Variants in CENPP observed in about 807,000 individuals in gnomAD.
The protein encoded by CENPP is centromere protein P.
CENPP carries 24 observed loss-of-function variants against 35.6 expected under a neutral mutation model. That is an observed-to-expected ratio of 0.67 (90% confidence interval 0.49 to 0.95). The LOEUF (loss-of-function observed/expected upper bound fraction) is 0.95, where lower values mean the gene tolerates loss of function less well. CENPP is among the 40% of genes least tolerant of loss of function. CENPP has a pLI of 0.00. For synonymous variants in CENPP, 120 were observed against 125.5 expected (o/e 0.96, Z 0.29); for missense variants, 332 against 345.3 (o/e 0.96, Z 0.31).
At chr9:92,463,958 A>T (rs1347125832) in intron 5 of CENPP, among the ~76,000 whole-genome samples, 3 of 152,180 alleles carry the variant, frequency 2.0e-5, no homozygotes, top group Admixed American at 2.0e-4. Flanking sequence ...TGTGTCTTTT[A>T]AATTATCTGT....
intron 6 of CENPP, 23 bp downstream of exon 6, chr9:92,611,416 G>A (rs527569683): frequency 1.6e-5 from 25 of 1,592,256 alleles, no homozygotes; most frequent in East Asian, 4.5e-5. Context: ...AGGCCATGGG[G>A]CCTCCCATTT....
At chr9:92,383,495 A>G (rs1212249087) in intron 5 of CENPP, among the ~76,000 whole-genome samples, 1 of 152,180 alleles carries the variant, frequency 6.6e-6, no homozygotes, top group Non-Finnish European at 1.5e-5. Flanking sequence ...AAAGTAAATC[A>G]TTTAAAAATT....
At chr9:92,551,962 ATG>A (rs377567724) in intron 5 of CENPP, among the ~76,000 whole-genome samples, 1 of 112,864 alleles carries the variant, frequency 8.9e-6, no homozygotes, top group African/African-American at 4.9e-5. Context: ...TGATATATAT[ATG>A]TGTGATATAT....
intron 5 of CENPP, among the ~76,000 whole-genome samples, chr9:92,473,427 C>T (rs1367636207): frequency 6.6e-6 from 1 of 152,072 alleles, no homozygotes; most frequent in African/African-American, 2.4e-5. Flanking sequence ...TAACATGCAC[C>T]CACTTTGCAA....
chr9:92,540,993 G>A (rs1161408620), intron 5 of CENPP, among the ~76,000 whole-genome samples: 2 of 152,060 alleles, frequency 1.3e-5, no homozygotes, highest in Non-Finnish European at 2.9e-5. Context: ...TGGGGGCAGT[G>A]GCTCATGCCT....
intron 5 of CENPP, among the ~76,000 whole-genome samples, chr9:92,508,786 G>GT (rs544116388): frequency 1.4e-3 from 220 of 152,114 alleles, no homozygotes; most frequent in African/African-American, 4.8e-3. Context: ...TTCCTGTGAA[G>GT]TTTTTTGGGA....
rs373562694 is a variant in CENPP, at chr9:92,459,737, G to A, written c.564+79878G>A. ...GTATGTTAGCAAGACTCCCATTTTC[G>A]ATATCTGTGATTTTGTTGTTTCCTA... On this transcript the variant is annotated intron_variant, in intron 5 of 7. Coordinates refer to ENST00000375587, the MANE Select transcript of CENPP (RefSeq NM_001012267.3). 1.2e-5 allele frequency: 20 copies of A among 1,613,172 alleles called. No homozygotes were observed. In the Middle Eastern group the frequency reaches 5.0e-4, roughly 40 times the overall value.
chr9:92,441,303 A>G (rs979027711), intron 5 of CENPP, among the ~76,000 whole-genome samples: 1 of 152,236 alleles, frequency 6.6e-6, no homozygotes, highest in Non-Finnish European at 1.5e-5. Flanking sequence ...TTTATAGGAA[A>G]TGCAGACAGA....
chr9:92,403,190 T>TG, intron 5 of CENPP: 5 of 1,318,328 alleles, frequency 3.8e-6, no homozygotes, highest in Non-Finnish European at 5.2e-6. Flanking sequence ...TGCATTTAAA[T>TG]GGGCAGTATT....
At chr9:92,434,511 T>A (rs969729478) in intron 5 of CENPP, among the ~76,000 whole-genome samples, 1 of 151,692 alleles carries the variant, frequency 6.6e-6, no homozygotes, top group Non-Finnish European at 1.5e-5. Context: ...TAAATAAACA[T>A]AAGTATTGGC....
chr9:92,470,521 T>G, intron 5 of CENPP: 1 of 481,588 alleles, frequency 2.1e-6, no homozygotes, highest in Non-Finnish European at 3.6e-6. Context: ...TAATTTTTAA[T>G]TGACTAGAAC....
In CENPP at chr9:92,618,314, G is replaced by T. The variant is rs749915771; in HGVS notation, c.*5165G>T. 2.2e-6 allele frequency: 1 copy of T among 456,682 alleles called. No homozygotes were observed. The highest frequency in any genetic ancestry group is 1.5e-5 in the South Asian group (1 of 64,560). The allele number at this position is 456,682 out of a possible 1,614,324, so 28.3% of individuals were successfully genotyped here. ...GGACATGCCCTCCCCTCCCCTCCTA[G>T]TGTCGTTTCTGCTGAGCAGCTGGTC... On this transcript the variant is annotated 3_prime_UTR_variant, in exon 8 of 8. Coordinates refer to ENST00000375587, the MANE Select transcript of CENPP (RefSeq NM_001012267.3).
chr9:92,535,374 T>G (rs996652750), intron 5 of CENPP, among the ~76,000 whole-genome samples: 7 of 152,174 alleles, frequency 4.6e-5, no homozygotes, highest in African/African-American at 1.7e-4. Context: ...TAGAGGTAAA[T>G]TTTCTGGGAT....
At chr9:92,441,609 G>C (rs1323130086) in intron 5 of CENPP, among the ~76,000 whole-genome samples, 2 of 151,942 alleles carry the variant, frequency 1.3e-5, no homozygotes, top group Admixed American at 6.6e-5. Context: ...AAACACAAAA[G>C]TCAGCCTGGC....
upstream of CENPP, chr9:92,325,896 G>T: frequency 1.1e-6 from 1 of 948,002 alleles, no homozygotes. Flanking sequence ...TGAGCTCTGG[G>T]ATGGTCCGCG....
rs143188728 is a variant in CENPP at position 92,500,631 on chromosome 9, C to A, written c.565-110683C>A. On this transcript the variant is annotated intron_variant, in intron 5 of 7. Transcript: ENST00000375587. Reference sequence around the variant, plus strand: ...CAACCCCTTAGCACCATTTTTTTTTCCCTTAACGTAAATCCCAGAGATCAT... The same window carrying A: ...CAACCCCTTAGCACCATTTTTTTTTACCTTAACGTAAATCCCAGAGATCAT... 269 of 1,259,330 alleles carry A rather than the reference C, an allele frequency of 2.1e-4. No homozygotes were observed. The East Asian group carries it at 6.2e-3, about 29-fold the overall frequency. The allele number at this position is 1,259,330 out of a possible 1,614,324, so 78.0% of individuals were successfully genotyped here. A position where few individuals can be genotyped will look rare whatever the true frequency, so the allele number is the denominator to read the frequency against.
rs200699120 is a variant in CENPP, at chr9:92,512,142, G to T, written c.565-99172G>T. The stretch of plus-strand genomic sequence containing the variant: ...ATGGAATTGCCTAGGACACACAGCG[G>T]TTATGTTTTAGGCATGTGTGCATAT... On this transcript the variant is annotated intron_variant, in intron 5 of 7. Coordinates refer to ENST00000375587, the MANE Select transcript of CENPP (RefSeq NM_001012267.3). 5 of 1,592,200 alleles carry T rather than the reference G, an allele frequency of 3.1e-6. No individual in the cohort carries two copies. The African/African-American group carries it at 4.0e-5, about 13-fold the overall frequency.
At chr9:92,603,581 G>C (rs141987934) in intron 5 of CENPP, among the ~76,000 whole-genome samples, 2 of 151,914 alleles carry the variant, frequency 1.3e-5, no homozygotes, top group Non-Finnish European at 2.9e-5. Context: ...CCTCCTCAGC[G>C]ATCCCTGTGC....
chr9:92,421,212 T>A (rs1465704458), intron 5 of CENPP, among the ~76,000 whole-genome samples: 1 of 152,058 alleles, frequency 6.6e-6, no homozygotes, highest in African/African-American at 2.4e-5. Context: ...GCTAATTTTT[T>A]AATTTTTTGT....
Sources: allele counts gnomAD v4.1 joint callset (sites outside exome capture counted in the v4.1 genomes callset), GRCh38; gene constraint gnomAD v4.1.1; transcripts MANE v1.5; gene names NCBI Gene and HGNC (gene_info 2026-07-23, HGNC 2026-07-21).